Variants in KCNJ6 observed in about 807,000 individuals in gnomAD.
KCNJ6 encodes G protein-activated inward rectifier potassium channel 2.
KCNJ6 carries 9 observed loss-of-function variants against 34.2 expected under a neutral mutation model. The observed-to-expected ratio is 0.26, with a 90% CI of 0.16 to 0.46. The LOEUF is 0.46. Among genes scored for constraint, KCNJ6 ranks in the 20% least tolerant of loss-of-function variants. The pLI is 1.00. For synonymous variants in KCNJ6, 196 were observed against 207.1 expected (o/e 0.95, Z 0.46); for missense variants, 236 against 531.3 (o/e 0.44, Z 5.46).
At chr21:37,782,146 G>GAA (rs1473381686) in intron 2 of KCNJ6, among the ~76,000 whole-genome samples, 1 of 152,062 alleles carries the variant, frequency 6.6e-6, no homozygotes, top group East Asian at 1.9e-4. Flanking sequence ...GAGAGAGAGA[G>GAA]AACAGAGACA....
intron 1 of KCNJ6, among the ~76,000 whole-genome samples, chr21:37,842,575 G>C (rs1416461528): frequency 6.6e-6 from 1 of 152,196 alleles, no homozygotes; most frequent in Non-Finnish European, 1.5e-5. Context: ...CTAAGGAGCT[G>C]TAATCTACCA....
At position 37,614,380 on chromosome 21, in the gene KCNJ6, G is replaced by GTA. The variant is rs773778296; in HGVS notation, c.*10778_*10779insTA. 1.4e-5 allele frequency: 2 copies of GTA among 146,980 alleles called. No homozygotes were observed. The highest frequency in any genetic ancestry group is 5.1e-5 in the African/African-American group (2 of 39,320). 9.1% of individuals were successfully genotyped at this position (146,980 alleles called of 1,614,324 possible). On this transcript the variant is annotated 3_prime_UTR_variant, in exon 4 of 4. Transcript: ENST00000609713. ...TAAGAGTGTGTGTGTGTGTGTGTGTGTGTATATCTGTGTGTGCGTATGCAT... is the reference window on the plus strand; with the variant it reads ...TAAGAGTGTGTGTGTGTGTGTGTGTGTATGTATATCTGTGTGTGCGTATGCAT...
At chr21:37,808,835 T>C (rs1218481110) in intron 2 of KCNJ6, among the ~76,000 whole-genome samples, 1 of 152,136 alleles carries the variant, frequency 6.6e-6, no homozygotes, top group Non-Finnish European at 1.5e-5. Context: ...ATTTCCTTTC[T>C]CTCTCTCTCT....
chr21:37,805,911 G>A (rs1357009098), intron 2 of KCNJ6, among the ~76,000 whole-genome samples: 2 of 152,202 alleles, frequency 1.3e-5, no homozygotes, highest in African/African-American at 2.4e-5. Context: ...TTCAGCGACA[G>A]CATGACCCTG....
rs765469616 is a variant in KCNJ6, at chr21:37,834,453, C to T, written c.25+6205G>A. 2.1e-4 allele frequency among the ~76,000 whole-genome samples: 32 copies of T among 152,212 alleles called. 1 individual carries two copies. The highest frequency in any genetic ancestry group is 3.7e-4 in the Non-Finnish European group (25 of 68,048). On this transcript the variant is annotated intron_variant, in intron 2 of 3. Transcript: ENST00000609713. ...CGTGGCCTGCACCTGCAAGCTACAG[C>T]GACTTACAGGATGCTTCTGCAAGAA...
intron 1 of KCNJ6, among the ~76,000 whole-genome samples, chr21:37,878,463 T>C (rs1175153218): frequency 2.6e-5 from 4 of 152,368 alleles, no homozygotes; most frequent in African/African-American, 9.6e-5. Flanking sequence ...CAGCAACTGC[T>C]TTCTAGGCAT....
chr21:37,667,186 T>TAAA (rs1569441641), intron 3 of KCNJ6, among the ~76,000 whole-genome samples: 12 of 86,782 alleles, frequency 1.4e-4, no homozygotes, highest in East Asian at 3.9e-4. Flanking sequence ...AAAAAAAAAT[T>TAAA]AAATGAGGCA....
intron 2 of KCNJ6, among the ~76,000 whole-genome samples, chr21:37,743,686 G>T (rs1037369189): frequency 6.6e-6 from 1 of 151,772 alleles, no homozygotes; most frequent in African/African-American, 2.4e-5. Context: ...TCTTAGACTT[G>T]CAGCCTCCAG....
chr21:37,750,730 A>AG (rs1329132880), intron 2 of KCNJ6, among the ~76,000 whole-genome samples: 2 of 149,368 alleles, frequency 1.3e-5, no homozygotes, highest in Non-Finnish European at 3.0e-5. Flanking sequence ...GGGCCTGTCT[A>AG]GGGTGGGGGG....
At chr21:37,823,554 T>C (rs1206116297) in intron 2 of KCNJ6, among the ~76,000 whole-genome samples, 2 of 152,160 alleles carry the variant, frequency 1.3e-5, no homozygotes, top group East Asian at 3.9e-4. Flanking sequence ...TAGTGAGTTA[T>C]CATGAGATCT....
intron 1 of KCNJ6, among the ~76,000 whole-genome samples, chr21:37,898,845 G>T (rs1163298978): frequency 2.0e-5 from 3 of 152,116 alleles, no homozygotes; most frequent in East Asian, 1.9e-4. Flanking sequence ...TAAAAGGGAG[G>T]CATAGCCAGG....
At chr21:37,819,641 C>G (rs2055364333) in intron 2 of KCNJ6, among the ~76,000 whole-genome samples, 1 of 152,158 alleles carries the variant, frequency 6.6e-6, no homozygotes. Context: ...CCTTCTTTAC[C>G]TACATTGTTT....
chr21:37,676,062 G>C (rs553709134), intron 3 of KCNJ6, among the ~76,000 whole-genome samples: 1 of 152,236 alleles, frequency 6.6e-6, no homozygotes, highest in Non-Finnish European at 1.5e-5. Context: ...TGGGAGATTC[G>C]TGGGCACCAC....
intron 3 of KCNJ6, among the ~76,000 whole-genome samples, chr21:37,626,377 G>A (rs551306084): frequency 1.3e-5 from 2 of 152,104 alleles, no homozygotes; most frequent in East Asian, 3.9e-4. Flanking sequence ...CAGGCAATCC[G>A]CCTGCCTCAG....
At chr21:37,835,258 T>C (rs2055446053) in intron 2 of KCNJ6, among the ~76,000 whole-genome samples, 1 of 152,140 alleles carries the variant, frequency 6.6e-6, no homozygotes, top group Admixed American at 6.5e-5. Flanking sequence ...GATTTCAGCT[T>C]GCCAGCAGAA....
At chr21:37,692,843 A>C (rs1284810116) in intron 3 of KCNJ6, among the ~76,000 whole-genome samples, 1 of 152,210 alleles carries the variant, frequency 6.6e-6, no homozygotes. Flanking sequence ...CCCTCACCTA[A>C]ATGGTTATTT....
At chr21:37,666,976 A>G (rs9983175) in intron 3 of KCNJ6, among the ~76,000 whole-genome samples, 55,496 of 149,230 alleles carry the variant, frequency 0.37, 10,403 homozygotes, top group Admixed American at 0.42. Flanking sequence ...AGTCATCACC[A>G]CTCCCTAATC....
intron 2 of KCNJ6, among the ~76,000 whole-genome samples, chr21:37,716,591 C>A (rs866695926): frequency 3.9e-5 from 6 of 152,090 alleles, no homozygotes; most frequent in South Asian, 4.2e-4. Context: ...CTATGTTGCT[C>A]AGACTGGTCT....
chr21:37,899,562 C>T (rs540502160), intron 1 of KCNJ6, among the ~76,000 whole-genome samples: 1 of 152,294 alleles, frequency 6.6e-6, no homozygotes, highest in South Asian at 2.1e-4. Flanking sequence ...GTAAAGAACA[C>T]ACCTTGGACC....
Sources: gnomAD v4.1 joint callset for allele counts (sites outside exome capture counted in the v4.1 genomes callset) on GRCh38, gnomAD v4.1.1 for gene constraint, MANE v1.5 for transcripts, NCBI Gene and HGNC (gene_info 2026-07-23, HGNC 2026-07-21) for gene names.